SLC24A2: variants seen among roughly 807,000 people sequenced by gnomAD.
SLC24A2 encodes the protein solute carrier family 24 member 2.
Under a neutral mutation model 62.0 loss-of-function variants are expected in SLC24A2, and 36 were observed. The ratio of observed to expected loss-of-function variants is 0.58; its 90% CI spans 0.44 to 0.77. The LOEUF (loss-of-function observed/expected upper bound fraction) is 0.77, where lower values mean the gene tolerates loss of function less well. Ranked by LOEUF, SLC24A2 falls within the 30% of genes least tolerant of loss-of-function variation. SLC24A2 has a pLI of 0.00. For synonymous variants in SLC24A2, 358 were observed against 294.0 expected, an observed-to-expected ratio of 1.22 and a Z score of -2.23; for missense variants, 846 against 817.9, an observed-to-expected ratio of 1.03 and a Z score of -0.42.
the SLC24A2 span, among the ~76,000 whole-genome samples, chr9:19,846,072 G>C: frequency 6.6e-6 from 1 of 152,152 alleles, no homozygotes; most frequent in African/African-American, 2.4e-5. Flanking sequence ...TTTTGTGTTT[G>C]ATAGGTGGAG....
chr9:20,269,098 G>A, the SLC24A2 span, among the ~76,000 whole-genome samples: 2 of 152,266 alleles, frequency 1.3e-5, no homozygotes, highest in East Asian at 1.9e-4. Context: ...GATTTCAGGG[G>A]GTGGGGAGTT....
chr9:20,152,738 C>G, the SLC24A2 span, among the ~76,000 whole-genome samples: 2 of 151,980 alleles, frequency 1.3e-5, no homozygotes, highest in East Asian at 1.9e-4. Flanking sequence ...TGGCTGTCCT[C>G]TGTCAGCTTT....
chr9:19,986,571 T>A, the SLC24A2 span, among the ~76,000 whole-genome samples: 5 of 138,798 alleles, frequency 3.6e-5, no homozygotes, highest in South Asian at 2.6e-4. Context: ...ATAAACAAAT[T>A]GTGGTATATA....
At chr9:20,180,996 C>T in the SLC24A2 span, among the ~76,000 whole-genome samples, 1 of 152,138 alleles carries the variant, frequency 6.6e-6, no homozygotes, top group African/African-American at 2.4e-5. Context: ...TCTCTTTGGT[C>T]ATGAGCCCCT....
the SLC24A2 span, among the ~76,000 whole-genome samples, chr9:20,228,356 C>A: frequency 6.6e-6 from 1 of 152,060 alleles, no homozygotes; most frequent in African/African-American, 2.4e-5. Context: ...ACAGAGCGCT[C>A]TGAGTTGGGG....
the SLC24A2 span, among the ~76,000 whole-genome samples, chr9:20,065,687 A>G: frequency 6.6e-6 from 1 of 152,232 alleles, no homozygotes; most frequent in Non-Finnish European, 1.5e-5. Flanking sequence ...TCTAAGGCTT[A>G]AAATCTTAAG....
chr9:19,844,116 G>A, the SLC24A2 span, among the ~76,000 whole-genome samples: 4 of 152,080 alleles, frequency 2.6e-5, no homozygotes, highest in African/African-American at 9.7e-5. Context: ...TTTCCACAGG[G>A]GCTTAATTAA....
chr9:19,767,907 G>A (rs1335804531), intron 2 of SLC24A2, among the ~76,000 whole-genome samples: 1 of 152,194 alleles, frequency 6.6e-6, no homozygotes, highest in Admixed American at 6.5e-5. Flanking sequence ...AAGGTCTAGA[G>A]GCTGCACCTG....
At chr9:19,518,624 C>T (rs529729529) in intron 10 of SLC24A2, among the ~76,000 whole-genome samples, 2 of 152,130 alleles carry the variant, frequency 1.3e-5, no homozygotes, top group East Asian at 1.9e-4. Context: ...TTTGCACCAT[C>T]TGGGCCAGGA....
At chr9:19,794,499 C>A in the SLC24A2 span, among the ~76,000 whole-genome samples, 1 of 150,232 alleles carries the variant, frequency 6.7e-6, no homozygotes, top group African/African-American at 2.4e-5. Flanking sequence ...ACCTGGGTGA[C>A]AAAATTATCT....
chr9:19,523,182 G>C (rs1217460977), intron 9 of SLC24A2, among the ~76,000 whole-genome samples: 1 of 152,180 alleles, frequency 6.6e-6, no homozygotes, highest in African/African-American at 2.4e-5. Flanking sequence ...TGTATTTGGA[G>C]TTTGAATGCT....
the SLC24A2 span, among the ~76,000 whole-genome samples, chr9:19,864,954 C>T: frequency 6.6e-6 from 1 of 151,690 alleles, no homozygotes. Context: ...GACTCCACCA[C>T]AAAATGCCTA....
At chr9:20,049,045 T>C in the SLC24A2 span, among the ~76,000 whole-genome samples, 1 of 152,210 alleles carries the variant, frequency 6.6e-6, no homozygotes, top group African/African-American at 2.4e-5. Context: ...ACTCGTTTTA[T>C]CAGCAATCCA....
In SLC24A2 at chr9:19,533,065, T is replaced by A. The variant is rs570563090; in HGVS notation, c.1480-4927A>T. 3.6e-3 allele frequency among the ~76,000 whole-genome samples: 546 copies of A among 152,318 alleles called. 1 individual carries two copies. In the Middle Eastern group the frequency reaches 0.061, roughly 17 times the overall value. On this transcript the variant is annotated intron_variant, in intron 8 of 10. Transcript: ENST00000341998. ...CCCATATTAATTATGTGAGCTGAAA[T>A]TATGCATGGTTCAACAAACACTGTC...
chr9:20,156,675 C>T, the SLC24A2 span, among the ~76,000 whole-genome samples: 1 of 151,698 alleles, frequency 6.6e-6, no homozygotes, highest in Non-Finnish European at 1.5e-5. Context: ...GTTGTCTTTG[C>T]CTTTCCTGTT....
At chr9:19,907,790 C>A in the SLC24A2 span, among the ~76,000 whole-genome samples, 1 of 152,068 alleles carries the variant, frequency 6.6e-6, no homozygotes, top group Non-Finnish European at 1.5e-5. Flanking sequence ...ATTTGAAGGA[C>A]CTTTTCAAGG....
At chr9:20,241,395 G>T in the SLC24A2 span, among the ~76,000 whole-genome samples, 2 of 152,184 alleles carry the variant, frequency 1.3e-5, no homozygotes, top group African/African-American at 2.4e-5. Context: ...TGATGGCTCT[G>T]AGGTCATCGC....
At chr9:20,082,703 T>C in the SLC24A2 span, among the ~76,000 whole-genome samples, 1 of 152,378 alleles carries the variant, frequency 6.6e-6, no homozygotes, top group Middle Eastern at 3.4e-3. Flanking sequence ...AGATGCTCTG[T>C]GCTTCCCACC....
chr9:19,580,407 G>C (rs1001060632), intron 5 of SLC24A2, among the ~76,000 whole-genome samples: 2 of 152,222 alleles, frequency 1.3e-5, no homozygotes, highest in African/African-American at 4.8e-5. Flanking sequence ...AACCAGATTC[G>C]CTGATTCCAG....
Sources: gnomAD v4.1 joint callset for allele counts (sites outside exome capture counted in the v4.1 genomes callset) on GRCh38, gnomAD v4.1.1 for gene constraint, MANE v1.5 for transcripts, NCBI Gene and HGNC (gene_info 2026-07-23, HGNC 2026-07-21) for gene names.